SPAG16: variants seen among roughly 807,000 people sequenced by gnomAD.
SPAG16 encodes sperm-associated antigen 16 protein.
A neutral mutation model predicts 80.4 loss-of-function variants in SPAG16; 86 were observed. The observed-to-expected ratio is 1.07, with a 90% CI of 0.90 to 1.28. The LOEUF (loss-of-function observed/expected upper bound fraction) is 1.28, where lower values mean the gene tolerates loss of function less well. Among genes scored for constraint, SPAG16 ranks in the 50% most tolerant of loss-of-function variants. The pLI, the probability that SPAG16 is intolerant of heterozygous loss-of-function variation, is 0.00. For synonymous variants in SPAG16, 294 were observed against 265.9 expected (o/e 1.11, Z -1.03); for missense variants, 870 against 765.3 (o/e 1.14, Z -1.61).
chr2:214,303,195 A>G (rs1234305422), intron 15 of SPAG16, among the ~76,000 whole-genome samples: 4 of 152,166 alleles, frequency 2.6e-5, no homozygotes. Flanking sequence ...TGTAGTCTCA[A>G]TTGTGTAACT....
chr2:213,820,510 T>A (rs1407931391), intron 10 of SPAG16, among the ~76,000 whole-genome samples: 1 of 152,148 alleles, frequency 6.6e-6, no homozygotes, highest in Non-Finnish European at 1.5e-5. Flanking sequence ...AAGTGCTTTT[T>A]CAGTTTTTAT....
At chr2:214,102,464 G>T (rs1252908334) in intron 13 of SPAG16, among the ~76,000 whole-genome samples, 1 of 151,894 alleles carries the variant, frequency 6.6e-6, no homozygotes, top group Admixed American at 6.6e-5. Context: ...CAATTGTAAG[G>T]TCCCGAATGG....
chr2:213,639,214 G>A (rs2062492279), intron 10 of SPAG16, among the ~76,000 whole-genome samples: 1 of 152,190 alleles, frequency 6.6e-6, no homozygotes, highest in East Asian at 1.9e-4. Flanking sequence ...TAGCTTTTAA[G>A]TGGAGCATTT....
chr2:214,103,484 G>C (rs1255310008), intron 13 of SPAG16, among the ~76,000 whole-genome samples: 2 of 152,178 alleles, frequency 1.3e-5, no homozygotes, highest in African/African-American at 2.4e-5. Context: ...GGTTGTAAGA[G>C]AGACGTCAGG....
intron 10 of SPAG16, among the ~76,000 whole-genome samples, chr2:213,590,137 G>A (rs1322524007): frequency 6.6e-6 from 1 of 152,050 alleles, no homozygotes; most frequent in Non-Finnish European, 1.5e-5. Flanking sequence ...TGAAAATCAG[G>A]CTAGAAAATG....
At chr2:214,014,485 A>G (rs558940178) in intron 13 of SPAG16, among the ~76,000 whole-genome samples, 16 of 152,312 alleles carry the variant, frequency 1.1e-4, no homozygotes, top group African/African-American at 3.4e-4. Flanking sequence ...GGGGAAAGCA[A>G]GGAGGAGGAT....
intron 9 of SPAG16, among the ~76,000 whole-genome samples, chr2:213,423,146 C>T (rs980453622): frequency 6.6e-6 from 1 of 152,158 alleles, no homozygotes; most frequent in Non-Finnish European, 1.5e-5. Flanking sequence ...ATTGTGTTAA[C>T]CAGGACCAAA....
chr2:213,292,556 T>G (rs1278847423), intron 1 of SPAG16, among the ~76,000 whole-genome samples: 1 of 147,864 alleles, frequency 6.8e-6, no homozygotes, highest in Non-Finnish European at 1.5e-5. Flanking sequence ...CCCAGCTACT[T>G]GGGAGGCTGA....
At chr2:214,215,315 C>G (rs1279188444) in intron 15 of SPAG16, among the ~76,000 whole-genome samples, 1 of 152,088 alleles carries the variant, frequency 6.6e-6, no homozygotes, top group African/African-American at 2.4e-5. Context: ...GGCTCACCTC[C>G]AGGTGAGCCA....
intron 14 of SPAG16, among the ~76,000 whole-genome samples, chr2:214,136,820 G>T (rs1237538158): frequency 6.6e-6 from 1 of 152,148 alleles, no homozygotes; most frequent in Non-Finnish European, 1.5e-5. Context: ...ACATGCTAAT[G>T]TATCAGTACT....
At chr2:213,565,249 C>T (rs1172948906) in intron 10 of SPAG16, among the ~76,000 whole-genome samples, 2 of 152,162 alleles carry the variant, frequency 1.3e-5, no homozygotes, top group Non-Finnish European at 2.9e-5. Flanking sequence ...ACATTACAGG[C>T]TCTATTATAA....
At chr2:213,385,683 C>A (rs751951675) in intron 9 of SPAG16, among the ~76,000 whole-genome samples, 2 of 152,014 alleles carry the variant, frequency 1.3e-5, no homozygotes, top group Non-Finnish European at 2.9e-5. Flanking sequence ...GAGAGGTGTG[C>A]TCGTCTCTAA....
chr2:213,486,366 G>A (rs2073972264), intron 9 of SPAG16, among the ~76,000 whole-genome samples: 1 of 152,004 alleles, frequency 6.6e-6, no homozygotes, highest in East Asian at 1.9e-4. Context: ...ATAATGAAGA[G>A]ATGGCTGCAT....
intron 10 of SPAG16, among the ~76,000 whole-genome samples, chr2:213,792,843 G>A (rs1182580526): frequency 6.6e-6 from 1 of 152,022 alleles, no homozygotes; most frequent in Non-Finnish European, 1.5e-5. Flanking sequence ...TGAGTGAAAT[G>A]TTGGTGTTCT....
chr2:213,950,263 C>G (rs1474128571), intron 12 of SPAG16, among the ~76,000 whole-genome samples: 1 of 152,086 alleles, frequency 6.6e-6, no homozygotes, highest in Non-Finnish European at 1.5e-5. Context: ...GCAAATGTAT[C>G]TTTATTTTTC....
rs2046359714 is a variant in SPAG16 at position 213,993,082 on chromosome 2, A to G, written c.1401-20869A>G. On this transcript the variant is annotated intron_variant, in intron 12 of 15. Coordinates refer to ENST00000331683, the MANE Select transcript of SPAG16 (RefSeq NM_024532.5). ...GTTGACTTGAAGCAAGCAGAGTTTG[A>G]GCTGTTTCACTGTCTCATTGAAACA... is the stretch of plus-strand genomic sequence containing the variant. Among the ~76,000 whole-genome samples, 3 of 152,182 alleles carry G rather than the reference A, an allele frequency of 2.0e-5. No homozygotes were observed. In the South Asian group the frequency reaches 6.2e-4, roughly 31 times the overall value.
chr2:213,391,673 C>G (rs1272580389), intron 9 of SPAG16, among the ~76,000 whole-genome samples: 2 of 152,168 alleles, frequency 1.3e-5, no homozygotes, highest in East Asian at 1.9e-4. Flanking sequence ...AGGTTATTTA[C>G]TAAGGGAAGA....
intron 13 of SPAG16, among the ~76,000 whole-genome samples, chr2:214,022,638 A>G (rs1395379603): frequency 1.3e-5 from 2 of 152,158 alleles, no homozygotes; most frequent in African/African-American, 2.4e-5. Context: ...CAATGGTTGG[A>G]TAATAGGTGC....
At chr2:214,108,876 G>T (rs527890896) in intron 14 of SPAG16, among the ~76,000 whole-genome samples, 1 of 152,282 alleles carries the variant, frequency 6.6e-6, no homozygotes, top group South Asian at 2.1e-4. Context: ...AATGAAAATT[G>T]TTGGAGAGTC....
Sources: allele counts gnomAD v4.1 joint callset (sites outside exome capture counted in the v4.1 genomes callset), GRCh38; gene constraint gnomAD v4.1.1; transcripts MANE v1.5; gene names NCBI Gene and HGNC (gene_info 2026-07-23, HGNC 2026-07-21).